GALNT2: variants seen among roughly 807,000 people sequenced by gnomAD.
GALNT2 encodes polypeptide N-acetylgalactosaminyltransferase 2.
GALNT2 carries 31 observed loss-of-function variants against 81.4 expected under a neutral mutation model. The ratio of observed to expected loss-of-function variants is 0.38; its 90% confidence interval spans 0.29 to 0.51. The LOEUF (loss-of-function observed/expected upper bound fraction) is 0.51, where lower values mean the gene tolerates loss of function less well. Ranked by LOEUF, GALNT2 falls within the 20% of genes least tolerant of loss-of-function variation. GALNT2 has a pLI of 0.87. For synonymous variants in GALNT2, 303 were observed against 287.4 expected (o/e 1.05, Z -0.55); for missense variants, 629 against 765.7 (o/e 0.82, Z 2.11).
intron 1 of GALNT2, among the ~76,000 whole-genome samples, chr1:230,168,729 A>T (rs1031861404): frequency 6.6e-6 from 1 of 152,204 alleles, no homozygotes; most frequent in East Asian, 1.9e-4. Context: ...TTACAGAAAC[A>T]TGGGGAACAT....
intron 1 of GALNT2, among the ~76,000 whole-genome samples, chr1:230,067,957 C>T (rs540503663): frequency 5.9e-5 from 9 of 152,278 alleles, no homozygotes; most frequent in Admixed American, 2.0e-4. Flanking sequence ...GCGGCCGCTC[C>T]CGTGCCAAGT....
chr1:230,247,538 A>G (rs945058291), intron 8 of GALNT2, among the ~76,000 whole-genome samples: 4 of 152,236 alleles, frequency 2.6e-5, no homozygotes, highest in African/African-American at 4.8e-5. Flanking sequence ...GGTGAGAAGT[A>G]AAATGTTTGG....
intron 6 of GALNT2, among the ~76,000 whole-genome samples, chr1:230,242,438 A>G (rs1383643513): frequency 6.6e-6 from 1 of 152,222 alleles, no homozygotes; most frequent in Non-Finnish European, 1.5e-5. Flanking sequence ...GGTTATGAAT[A>G]GTTGCATCAT....
rs570786420 is a variant in GALNT2, at chr1:230,275,490, T to TAC, written c.1560+937_1560+938dup. Among the ~76,000 whole-genome samples, 9 of 150,656 alleles carry TAC rather than the reference T, an allele frequency of 6.0e-5. No homozygotes were observed. Among genetic ancestry groups the TAC allele is most frequent in the African/African-American group, 1.5e-4 (6 of 41,020 alleles). ...TACAAACACCACATATATATACATA[T>TAC]ACACACACACACCACAGATACATAC... On this transcript the variant is annotated intron_variant, in intron 15 of 15. Transcript: ENST00000366672. This position sits in a 1 kb window ranked among gnomAD's most constrained non-coding sequence, Gnocchi z 5.5.
At chr1:230,191,845 C>G (rs1663536869) in intron 2 of GALNT2, among the ~76,000 whole-genome samples, 1 of 152,238 alleles carries the variant, frequency 6.6e-6, no homozygotes, top group Non-Finnish European at 1.5e-5. Flanking sequence ...CTGAGGAAGC[C>G]CCCACCAACA....
chr1:230,168,028 A>G (rs934976638), intron 1 of GALNT2, among the ~76,000 whole-genome samples: 1 of 152,082 alleles, frequency 6.6e-6, no homozygotes, highest in African/African-American at 2.4e-5. Flanking sequence ...ATTTTTCTAA[A>G]GTAAAAGAAC....
chr1:230,163,392 A>G (rs190079409), intron 1 of GALNT2, among the ~76,000 whole-genome samples: 12 of 152,298 alleles, frequency 7.9e-5, no homozygotes, highest in African/African-American at 1.4e-4. Context: ...ATCAGAGAGC[A>G]TGGGATGAGG....
At chr1:230,242,997 G>A (rs1189032809) in intron 6 of GALNT2, among the ~76,000 whole-genome samples, 1 of 152,196 alleles carries the variant, frequency 6.6e-6, no homozygotes, top group Non-Finnish European at 1.5e-5. Flanking sequence ...GAGGAATGTA[G>A]TTATAAAAGT....
chr1:230,181,129 C>T (rs1663146883), intron 2 of GALNT2, among the ~76,000 whole-genome samples: 5 of 151,904 alleles, frequency 3.3e-5, no homozygotes. Context: ...ACTTCCAGCA[C>T]AGTGTTGAAG....
chr1:230,198,437 A>G (rs1305302026), intron 2 of GALNT2, among the ~76,000 whole-genome samples: 1 of 131,736 alleles, frequency 7.6e-6, no homozygotes, highest in Non-Finnish European at 1.7e-5. Flanking sequence ...CAGGGGCAGG[A>G]CAGCAGCCCA....
chr1:230,146,966 T>C (rs1195182997), intron 1 of GALNT2, among the ~76,000 whole-genome samples: 1 of 151,364 alleles, frequency 6.6e-6, no homozygotes, highest in Non-Finnish European at 1.5e-5. Flanking sequence ...TGTGTGGGAG[T>C]CGTGGCAGGG....
chr1:230,254,703 T>C (rs1296318557), intron 10 of GALNT2, among the ~76,000 whole-genome samples: 1 of 152,236 alleles, frequency 6.6e-6, no homozygotes, highest in Non-Finnish European at 1.5e-5. Flanking sequence ...AGATGGCATA[T>C]ATGGTTGTCT....
intron 1 of GALNT2, among the ~76,000 whole-genome samples, chr1:230,102,169 C>T (rs1660421371): frequency 6.6e-6 from 1 of 152,168 alleles, no homozygotes; most frequent in African/African-American, 2.4e-5. Context: ...AGATTTTTCC[C>T]TCCTGAAAAA....
chr1:230,235,232 A>T (rs1429369529), intron 3 of GALNT2, among the ~76,000 whole-genome samples: 1 of 151,720 alleles, frequency 6.6e-6, no homozygotes, highest in Non-Finnish European at 1.5e-5. Flanking sequence ...AAAAAAAAAA[A>T]AAAAAGCTAC....
chr1:230,101,535 C>T (rs10746509), intron 1 of GALNT2, among the ~76,000 whole-genome samples: 60,081 of 152,100 alleles, frequency 0.4, 11,904 homozygotes, highest in South Asian at 0.53. Context: ...TTTGTCAAGA[C>T]AGATAAACAA....
At chr1:230,134,112 G>GT (rs977480955) in intron 1 of GALNT2, among the ~76,000 whole-genome samples, 3,531 of 120,832 alleles carry the variant, frequency 0.029, 85 homozygotes, top group East Asian at 0.069. Context: ...ACCTGAATCT[G>GT]TTTTTTTTTT....
intron 1 of GALNT2, among the ~76,000 whole-genome samples, chr1:230,092,623 T>C (rs1571952758): frequency 6.6e-6 from 1 of 152,228 alleles, no homozygotes; most frequent in East Asian, 1.9e-4. Flanking sequence ...GGATTACAGG[T>C]GTGAGCCACC....
intron 2 of GALNT2, among the ~76,000 whole-genome samples, chr1:230,199,938 G>A (rs368922638): frequency 1.6e-3 from 245 of 152,322 alleles, no homozygotes; most frequent in African/African-American, 5.7e-3. Flanking sequence ...CTGCAGGGAA[G>A]CCGCCCCTGG....
Position 230,274,513 on chromosome 1 carries a change from A to G in GALNT2, c.1509A>G (p.Ala503=), listed in dbSNP as rs1666233347. The change falls in exon 15 of 16, where the codon GCA becomes GCG. Residue 503 remains alanine, a synonymous_variant. Transcript: ENST00000366672. The part of the protein sequence containing the change: ...MDLCLTVVDR[A]PGSLIKLQGC... ...TGTGCCTTACTGTGGTGGACCGGGC[A>G]CCGGGCTCTCTTATAAAGCTGCAGG... 3 of 1,614,058 alleles carry G rather than the reference A, an allele frequency of 1.9e-6. No homozygotes were observed. Among genetic ancestry groups the G allele is most frequent in the Non-Finnish European group, 2.5e-6 (3 of 1,179,932 alleles).
Sources: gnomAD v4.1 joint callset for allele counts (sites outside exome capture counted in the v4.1 genomes callset) on GRCh38, gnomAD v4.1.1 for gene constraint, Gnocchi (gnomAD v3.1) non-coding constraint, MANE v1.5 for transcripts, NCBI Gene and HGNC (gene_info 2026-07-23, HGNC 2026-07-21) for gene names.